SZT2: variants seen among roughly 807,000 people sequenced by gnomAD.
SZT2 encodes the protein SZT2 subunit of KICSTOR complex, also known as KICSTOR complex protein SZT2.
In SZT2, 216 loss-of-function variants were observed where a neutral mutation model predicts 404.2. That is an observed-to-expected ratio of 0.53 (90% CI 0.48 to 0.60). The LOEUF (loss-of-function observed/expected upper bound fraction) is 0.60, where lower values mean the gene tolerates loss of function less well. Ranked by LOEUF, SZT2 falls within the 20% of genes least tolerant of loss-of-function variation. The pLI is 0.00. For missense variants in SZT2, 3,857 were observed against 4,459.2 expected (o/e 0.86, Z 3.85); for synonymous variants, 1,693 against 1,749.9 (o/e 0.97, Z 0.81).
chr1:43,399,466 A>AT (rs58653132), intron 1 of SZT2, among the ~76,000 whole-genome samples: 4,050 of 121,934 alleles, frequency 0.033, 209 homozygotes, highest in African/African-American at 0.1. Context: ...GCCAGAGGGA[A>AT]TTTTTTTTTT....
chr1:43,443,929 C>T (rs910693881), intron 62 of SZT2, 133 bp downstream of exon 62: 1 of 1,094,926 alleles, frequency 9.1e-7, no homozygotes, highest in Admixed American at 2.3e-5. Flanking sequence ...TCCCACCAGG[C>T]TTGCACTCAT....
rs763942252 is a variant in SZT2, at chr1:43,431,265, G to A, written c.4917G>A (p.Arg1639=). 3.1e-6 allele frequency: 5 copies of A among 1,607,870 alleles called. No individual in the cohort carries two copies. In the South Asian group the frequency reaches 5.6e-5, roughly 18 times the overall value. ...TTTGACTTGTTCCCACCCTGTTCAGGTCAACATCTGAAAGCAGTGCTTCAT... is the reference window on the plus strand; with the variant it reads ...TTTGACTTGTTCCCACCCTGTTCAGATCAACATCTGAAAGCAGTGCTTCAT... ...LPTASDPQHH[R]STSESSASFP... Residue 1639 remains arginine (R), a splice_region_variant and synonymous_variant, in exon 34 of 72, where the codon CGG becomes CGA. Transcript: ENST00000634258.
chr1:43,419,673 C>T (rs1652106197), intron 7 of SZT2, 61 bp from the exon 8 acceptor site: 2 of 1,406,934 alleles, frequency 1.4e-6, no homozygotes, highest in African/African-American at 1.4e-5. Context: ...TCTTTCTCTC[C>T]TGTTCTTCCT....
intron 15 of SZT2, among the ~76,000 whole-genome samples, chr1:43,423,906 G>C (rs1652808472): frequency 6.6e-6 from 1 of 151,170 alleles, no homozygotes; most frequent in Non-Finnish European, 1.5e-5. Context: ...AAGGAGTGTG[G>C]AAGGGTGTGG....
intron 11 of SZT2, 128 bp from the exon 12 acceptor site, chr1:43,421,955 C>A: frequency 1.9e-6 from 2 of 1,037,098 alleles, no homozygotes; most frequent in Non-Finnish European, 2.7e-6. Flanking sequence ...TCAGGCTGGG[C>A]TGTAGCCTCA....
rs1200940730 is a variant in SZT2, at chr1:43,439,006, A to G, written c.6705A>G (p.Pro2235=). Residue 2235 remains proline, a synonymous_variant, in exon 48 of 72, where the codon CCA becomes CCG. Coordinates refer to ENST00000634258, the MANE Select transcript of SZT2 (RefSeq NM_001365999.1). The surrounding 1 kb of genome is among the most constrained non-coding windows in gnomAD (Gnocchi z 4.2). ...ALPTSCRPWL[P]ALAWYLRQNL... ...CCACCTCCTGCAGGCCCTGGCTTCC[A>G]GCCCTGGCATGGTACCTACGGCAGA... is the stretch of plus-strand genomic sequence containing the variant. 1 of 1,614,178 alleles carries G rather than the reference A, an allele frequency of 6.2e-7. No individual in the cohort carries two copies. Among genetic ancestry groups the G allele is most frequent in the South Asian group, 1.1e-5 (1 of 91,084 alleles).
At chr1:43,434,891 C>G (rs1020302745) in intron 41 of SZT2, among the ~76,000 whole-genome samples, 1 of 152,206 alleles carries the variant, frequency 6.6e-6, no homozygotes, top group South Asian at 2.1e-4. Flanking sequence ...ACAGTAGAAG[C>G]TGCTACGAAA....
rs536421705 is a variant in SZT2 at position 43,441,728 on chromosome 1, G to A, written c.7652G>A (p.Arg2551Gln). 10 of 1,614,108 alleles carry A rather than the reference G, an allele frequency of 6.2e-6. No individual in the cohort carries two copies. The highest frequency in any genetic ancestry group is 1.3e-5 in the African/African-American group (1 of 75,006). ...VSRSSAHMVS[R>Q]FLLPSILSEF... ...AGAAGCTCTGCCCACATGGTGTCCC[G>A]GTTCCTCCTTCCATCCATCCTGTCT... Residue 2551 changes from arginine to glutamine, a missense_variant, in exon 55 of 72, where the codon CGG becomes CAG. Physicochemically the swap from Arg to Gln is conservative, Grantham distance 43. This residue lies in a region of SZT2 where 573 missense variants were observed against 592.4 expected (regional missense o/e 0.97). Transcript: ENST00000634258. This position sits in a 1 kb window ranked among gnomAD's most constrained non-coding sequence, Gnocchi z 4.8.
Position 43,452,907 on chromosome 1 carries a change from C to G in SZT2, c.*2427C>G. ...CCATCCCAACAGGCTACATACATGT[C>G]CAGCCTCAGGAACGCTGCCAAATAC... On this transcript the variant is annotated 3_prime_UTR_variant, in exon 72 of 72. Coordinates refer to ENST00000634258, the MANE Select transcript of SZT2 (RefSeq NM_001365999.1). 6.2e-7 allele frequency: 1 copy of G among 1,601,548 alleles called. No homozygotes were observed. The highest frequency in any genetic ancestry group is 8.5e-7 in the Non-Finnish European group (1 of 1,174,896).
intron 6 of SZT2, 111 bp from the exon 7 acceptor site, chr1:43,416,424 C>G: frequency 1.2e-6 from 1 of 828,114 alleles, no homozygotes; most frequent in Admixed American, 2.5e-5. Flanking sequence ...ATGAAACTGC[C>G]GACATTGGTG....
chr1:43,432,858 T>A (rs1295789860), intron 39 of SZT2, 59 bp downstream of exon 39: 8 of 1,604,950 alleles, frequency 5.0e-6, no homozygotes, highest in Non-Finnish European at 6.8e-6. Flanking sequence ...CTTAGGGCTG[T>A]ACTGGGAAAG....
chr1:43,450,212 G>C lies in SZT2; in HGVS notation c.10155+41G>C. 6.2e-7 allele frequency: 1 copy of C among 1,614,018 alleles called. No individual in the cohort carries two copies. Among genetic ancestry groups the C allele is most frequent in the Non-Finnish European group, 8.5e-7 (1 of 1,179,914 alleles). ...GGGCTTTGTGTCAGCCTCATGGGAG[G>C]CCGTACCCCAAATGCTCCACCTCGG... is the stretch of plus-strand genomic sequence containing the variant. On this transcript the variant is annotated intron_variant, in intron 71 of 71. Transcript: ENST00000634258. The surrounding 1 kb of genome is among the most constrained non-coding windows in gnomAD (Gnocchi z 4.3).
chr1:43,415,943 TC>T lies in SZT2; in HGVS notation c.631-16del, dbSNP rs1651668723. On this transcript the variant is annotated splice_polypyrimidine_tract_variant and intron_variant, in intron 5 of 71. Coordinates refer to ENST00000634258, the MANE Select transcript of SZT2 (RefSeq NM_001365999.1). The stretch of plus-strand genomic sequence containing the variant: ...ATGCCATCTGCCCCATTCTGTCTTT[TC>T]TGTAACTTGGGGCAGGCAGAAGACC... 1 of 1,592,248 alleles carries T rather than the reference TC, an allele frequency of 6.3e-7. No individual in the cohort carries two copies. The highest frequency in any genetic ancestry group is 1.1e-5 in the South Asian group (1 of 90,046).
chr1:43,400,042 G>A (rs1034173067), intron 1 of SZT2, among the ~76,000 whole-genome samples: 9 of 151,890 alleles, frequency 5.9e-5, no homozygotes, highest in Admixed American at 1.3e-4. Context: ...AGACTTAAGC[G>A]ATCCTCCCAC....
intron 28 of SZT2, 29 bp downstream of exon 28, chr1:43,428,515 G>C: frequency 6.2e-7 from 1 of 1,604,648 alleles, no homozygotes; most frequent in South Asian, 1.1e-5. Flanking sequence ...TGATGGATAA[G>C]GGGGTACACA....
At chr1:43,416,400 A>C (rs1651726820) in intron 6 of SZT2, 135 bp from the exon 7 acceptor site, 1 of 736,238 alleles carries the variant, frequency 1.4e-6, no homozygotes, top group Non-Finnish European at 2.2e-6. Flanking sequence ...GAAGTTTATA[A>C]AACTTCACAG....
chr1:43,434,574 T>C, intron 41 of SZT2, 89 bp downstream of exon 41: 1 of 1,131,706 alleles, frequency 8.8e-7, no homozygotes, highest in Admixed American at 2.6e-5. Flanking sequence ...TATTGGTCCA[T>C]TTCAGAATCA....
rs773105320 is a variant in SZT2, at chr1:43,420,795, C to T, written c.1308C>T (p.Asn436=). The T allele has an allele frequency of 1.3e-6, 2 of 1,598,476 alleles. No individual in the cohort carries two copies. Among genetic ancestry groups the T allele is most frequent in the Non-Finnish European group, 8.5e-7 (1 of 1,179,822 alleles). ...AGCTGGTGCTGCTGTGGAAACACAA[C>T]ATGCGCATTGAGTATGTGGCTATGG... ...EVKLVLLWKH[N]MRIEYVAMAP... The change falls in exon 10 of 72, where the codon AAC becomes AAT. Residue 436 remains asparagine, a synonymous_variant. Transcript: ENST00000634258. This position sits in a 1 kb window ranked among gnomAD's most constrained non-coding sequence, Gnocchi z 5.1.
At chr1:43,395,497 G>T (rs374726421) in intron 1 of SZT2, among the ~76,000 whole-genome samples, 1 of 152,152 alleles carries the variant, frequency 6.6e-6, no homozygotes. Flanking sequence ...ACAGGGTTTT[G>T]CCATGTTGCC....
Sources: allele counts gnomAD v4.1 joint callset (sites outside exome capture counted in the v4.1 genomes callset), GRCh38; gene constraint gnomAD v4.1.1; regional missense constraint gnomAD v4.1.1; non-coding constraint Gnocchi (gnomAD v3.1); transcripts MANE v1.5; gene names NCBI Gene and HGNC (gene_info 2026-07-23, HGNC 2026-07-21).